Variants in ADGRV1 observed in about 807,000 individuals in gnomAD.
ADGRV1 encodes G-protein coupled receptor 98.
Under a neutral mutation model 596.2 loss-of-function variants are expected in ADGRV1, and 359 were observed. The observed-to-expected ratio is 0.60, with a 90% CI of 0.55 to 0.66. The LOEUF (loss-of-function observed/expected upper bound fraction) is 0.66, where lower values mean the gene tolerates loss of function less well. Among genes scored for constraint, ADGRV1 ranks in the 30% least tolerant of loss-of-function variants. ADGRV1 has a pLI of 0.00. For synonymous variants in ADGRV1, 2,681 were observed against 2,679.2 expected (o/e 1.00, Z -0.02); for missense variants, 7,274 against 7,575.6 (o/e 0.96, Z 1.48).
intron 85 of ADGRV1, among the ~76,000 whole-genome samples, chr5:91,019,117 T>C (rs1562097707): frequency 1.3e-5 from 2 of 151,948 alleles, no homozygotes; most frequent in East Asian, 1.9e-4. Flanking sequence ...CCTGAACTTA[T>C]CATTGTGGCT....
At position 90,692,623 on chromosome 5, in the gene ADGRV1, A is replaced by T. The variant is rs759054036; in HGVS notation, c.6970A>T (p.Thr2324Ser). The change falls in exon 32 of 90, where the codon ACT becomes TCT. Residue 2324 changes from threonine to serine, a missense_variant. Coordinates refer to ENST00000405460, the MANE Select transcript of ADGRV1 (RefSeq NM_032119.4). Reference protein sequence around the residue: ...EIEEVIQVQLTDASGGGTIGL... With the variant: ...EIEEVIQVQLSDASGGGTIGL... ...TTTTTAGGTTATCCAAGTGCAACTA[A>T]CTGATGCCTCTGGTGGAGGTACTAT... is the stretch of plus-strand genomic sequence containing the variant. The T allele has an allele frequency of 6.2e-7, 1 of 1,609,584 alleles. No individual in the cohort carries two copies. The highest frequency in any genetic ancestry group is 2.2e-5 in the East Asian group (1 of 44,708).
In ADGRV1 at chr5:90,750,606, A is replaced by G; in HGVS notation, c.11030A>G (p.Asn3677Ser). The change falls in exon 53 of 90, where the codon AAC (asparagine) becomes AGC (serine). Residue 3677 changes from asparagine to serine, a missense_variant. Transcript: ENST00000405460. The stretch of plus-strand genomic sequence containing the variant: ...GAGCAAGATAGCCTAGTAACCTTGA[A>G]CGTTGAACGCTTAAAAGGAACATAT... ...EMEQDSLVTL[N>S]VERLKGTYGR... 1.2e-6 allele frequency: 2 copies of G among 1,612,698 alleles called. No homozygotes were observed. Among genetic ancestry groups the G allele is most frequent in the Non-Finnish European group, 1.7e-6 (2 of 1,178,888 alleles).
intron 1 of ADGRV1, among the ~76,000 whole-genome samples, chr5:90,593,758 C>G (rs900400752): frequency 2.0e-5 from 3 of 151,148 alleles, no homozygotes; most frequent in Non-Finnish European, 4.4e-5. Context: ...ATGTAGTATT[C>G]AAAGAAAAAA....
intron 52 of ADGRV1, among the ~76,000 whole-genome samples, chr5:90,747,995 T>C (rs1754815543): frequency 6.6e-6 from 1 of 152,188 alleles, no homozygotes; most frequent in African/African-American, 2.4e-5. Context: ...GGAACAACTC[T>C]GACCATAGTA....
At chr5:90,637,349 T>C (rs1421112216) in intron 10 of ADGRV1, among the ~76,000 whole-genome samples, 1 of 152,196 alleles carries the variant, frequency 6.6e-6, no homozygotes, top group African/African-American at 2.4e-5. Flanking sequence ...ATTGTGATAG[T>C]AAGTTCATTT....
intron 85 of ADGRV1, among the ~76,000 whole-genome samples, chr5:91,026,643 C>T (rs973836880): frequency 3.9e-5 from 6 of 152,014 alleles, no homozygotes; most frequent in East Asian, 1.9e-4. Context: ...AACTCAGAGG[C>T]GACAGAGCCA....
chr5:91,147,137 A>G (rs1237220310), intron 87 of ADGRV1, among the ~76,000 whole-genome samples: 1 of 150,676 alleles, frequency 6.6e-6, no homozygotes, highest in African/African-American at 2.5e-5. Context: ...CTGCACTCCA[A>G]CTGAACTCCA....
intron 85 of ADGRV1, among the ~76,000 whole-genome samples, chr5:91,023,766 C>T (rs563103569): frequency 4.6e-5 from 7 of 152,006 alleles, no homozygotes; most frequent in East Asian, 3.9e-4. Flanking sequence ...TTCGAAAATT[C>T]GAGTGGCTAT....
intron 31 of ADGRV1, among the ~76,000 whole-genome samples, chr5:90,691,400 T>C (rs1746458014): frequency 6.6e-6 from 1 of 150,378 alleles, no homozygotes; most frequent in Non-Finnish European, 1.5e-5. Context: ...TTTTTTTTTT[T>C]TGAGATGGAG....
chr5:90,868,421 G>T (rs1020883239), intron 83 of ADGRV1, among the ~76,000 whole-genome samples: 1 of 151,950 alleles, frequency 6.6e-6, no homozygotes, highest in African/African-American at 2.4e-5. Context: ...GAAAGGGAAA[G>T]GTCCTTAGGC....
At chr5:90,669,985 A>T (rs576694709) in intron 21 of ADGRV1, among the ~76,000 whole-genome samples, 98 of 152,326 alleles carry the variant, frequency 6.4e-4, no homozygotes, top group African/African-American at 2.3e-3. Context: ...GTTTTCGAAT[A>T]CCATTTGTAT....
chr5:90,659,666 ATCCTCT>A (rs1483071608), intron 21 of ADGRV1, among the ~76,000 whole-genome samples: 1 of 152,160 alleles, frequency 6.6e-6, no homozygotes, highest in Non-Finnish European at 1.5e-5. Context: ...GACTAGTAAA[ATCCTCT>A]TCCTTTTTCT....
At chr5:90,919,103 C>T (rs921296781) in intron 83 of ADGRV1, among the ~76,000 whole-genome samples, 2 of 152,290 alleles carry the variant, frequency 1.3e-5, no homozygotes, top group South Asian at 4.1e-4. Flanking sequence ...ATATCAAATC[C>T]AAACTTCTTT....
chr5:90,791,998 A>C, intron 70 of ADGRV1: 1 of 152,202 alleles, frequency 6.6e-6, no homozygotes, highest in East Asian at 1.9e-4. Flanking sequence ...CAAGGATGGT[A>C]CATGTCATAT....
intron 85 of ADGRV1, among the ~76,000 whole-genome samples, chr5:91,006,008 CT>C (rs1213250515): frequency 2.6e-5 from 4 of 152,138 alleles, no homozygotes; most frequent in African/African-American, 9.7e-5. Context: ...TTTTCCCAGC[CT>C]TTCATAGCCA....
chr5:90,755,116 A>T lies in ADGRV1; in HGVS notation c.11511A>T (p.Val3837=). Residue 3837 remains valine (V), a synonymous_variant, in exon 55 of 90, where the codon GTA becomes GTT. Coordinates refer to ENST00000405460, the MANE Select transcript of ADGRV1 (RefSeq NM_032119.4). ...AAGCTACTGAGAATGAAGATTATGTATTGCAAGAAACAATAATAATAATGA... is the reference window on the plus strand; with the variant it reads ...AAGCTACTGAGAATGAAGATTATGTTTTGCAAGAAACAATAATAATAATGA... The part of the protein sequence containing the change: ...DNQATENEDY[V]LQETIIIMKE... 1 of 1,611,574 alleles carries T rather than the reference A, an allele frequency of 6.2e-7. No individual in the cohort carries two copies. The highest frequency in any genetic ancestry group is 8.5e-7 in the Non-Finnish European group (1 of 1,178,270).
intron 10 of ADGRV1, among the ~76,000 whole-genome samples, chr5:90,636,964 T>A (rs985282172): frequency 4.6e-5 from 7 of 152,214 alleles, no homozygotes; most frequent in African/African-American, 1.2e-4. Context: ...ATACATTTTT[T>A]AAAGTGTACT....
At chr5:90,617,730 G>C in intron 2 of ADGRV1, 74 bp from the exon 3 acceptor site, 1 of 1,204,074 alleles carries the variant, frequency 8.3e-7, no homozygotes. Context: ...TCTCTTGATT[G>C]CTGTAATTAA....
At chr5:90,811,939 T>G (rs1762476768) in intron 74 of ADGRV1, among the ~76,000 whole-genome samples, 1 of 151,054 alleles carries the variant, frequency 6.6e-6, no homozygotes, top group African/African-American at 2.4e-5. Flanking sequence ...TTTTTTTTTT[T>G]TTTTTTGGAG....
Sources: gnomAD v4.1 joint callset for allele counts (sites outside exome capture counted in the v4.1 genomes callset) on GRCh38, gnomAD v4.1.1 for gene constraint, MANE v1.5 for transcripts, NCBI Gene and HGNC (gene_info 2026-07-23, HGNC 2026-07-21) for gene names.